Variants in RFC2 observed in about 807,000 individuals in gnomAD.
The protein encoded by RFC2 is replication factor C subunit 2.
In RFC2, 34 loss-of-function variants were observed where a neutral mutation model predicts 44.8. The ratio of observed to expected loss-of-function variants is 0.76; its 90% CI spans 0.58 to 1.01. RFC2 has a LOEUF of 1.01. RFC2 is among the 50% of genes least tolerant of loss of function. The pLI, the probability that RFC2 is intolerant of heterozygous loss-of-function variation, is 0.00. For synonymous variants in RFC2, 177 were observed against 168.9 expected (o/e 1.05, Z -0.37); for missense variants, 400 against 453.6 (o/e 0.88, Z 1.07).
chr7:74,252,173 C>T (rs1229727421), intron 2 of RFC2, among the ~76,000 whole-genome samples: 2 of 147,328 alleles, frequency 1.4e-5, no homozygotes, highest in African/African-American at 2.5e-5. Flanking sequence ...TTTGGGAGGC[C>T]GAGGCGGGAG....
chr7:74,233,735 G>C (rs1454121418), intron 10 of RFC2: 1 of 437,364 alleles, frequency 2.3e-6, no homozygotes, highest in African/African-American at 2.0e-5. Context: ...CGAGTAGCTG[G>C]GATTACAGGT....
chr7:74,237,648 C>T (rs1280044400), intron 8 of RFC2, among the ~76,000 whole-genome samples: 1 of 152,178 alleles, frequency 6.6e-6, no homozygotes, highest in Non-Finnish European at 1.5e-5. Flanking sequence ...AGATAAATTT[C>T]CCAAACATAA....
At chr7:74,243,455 A>G (rs1803445846) in intron 5 of RFC2, among the ~76,000 whole-genome samples, 1 of 152,066 alleles carries the variant, frequency 6.6e-6, no homozygotes, top group Non-Finnish European at 1.5e-5. Context: ...CAGCATCAGA[A>G]CAACCCTCAA....
intron 4 of RFC2, among the ~76,000 whole-genome samples, chr7:74,246,986 T>C (rs970393008): frequency 2.0e-4 from 30 of 151,188 alleles, no homozygotes; most frequent in Admixed American, 1.2e-3. Context: ...TTTTTTTTTT[T>C]TTTTCTTCAG....
At chr7:74,247,942 C>G (rs1267961799) in intron 4 of RFC2, among the ~76,000 whole-genome samples, 1 of 152,040 alleles carries the variant, frequency 6.6e-6, no homozygotes, top group Non-Finnish European at 1.5e-5. Context: ...TTAACTTATA[C>G]ACATCCTCCA....
intron 6 of RFC2, 120 bp from the exon 7 acceptor site, chr7:74,240,215 T>G (rs1200614950): frequency 1.2e-6 from 1 of 866,970 alleles, no homozygotes; most frequent in Non-Finnish European, 1.7e-6. Flanking sequence ...CAATAGAGAC[T>G]TGGTAGGCCG....
At chr7:74,250,900 T>C (rs1786897830) in intron 2 of RFC2, among the ~76,000 whole-genome samples, 1 of 152,150 alleles carries the variant, frequency 6.6e-6, no homozygotes, top group South Asian at 2.1e-4. Flanking sequence ...GCGATTCTCC[T>C]GCCTCAGCCT....
At chr7:74,235,305 G>A (rs1219098697) in intron 10 of RFC2, among the ~76,000 whole-genome samples, 1 of 152,186 alleles carries the variant, frequency 6.6e-6, no homozygotes, top group East Asian at 1.9e-4. Context: ...CCAAAGTGCT[G>A]GGATTACAGG....
At chr7:74,252,752 T>G (rs1320865980) in intron 1 of RFC2, among the ~76,000 whole-genome samples, 1 of 151,998 alleles carries the variant, frequency 6.6e-6, no homozygotes, top group East Asian at 1.9e-4. Context: ...CTGGCCAACA[T>G]GGTGAAACCT....
At chr7:74,244,341 G>C (rs545146938) in intron 5 of RFC2, among the ~76,000 whole-genome samples, 125 of 151,022 alleles carry the variant, frequency 8.3e-4, no homozygotes, top group Middle Eastern at 3.4e-3. Flanking sequence ...ATGAATTACT[G>C]CCACATTAAA....
intron 3 of RFC2, 44 bp from the exon 4 acceptor site, chr7:74,249,162 A>T (rs1158774544): frequency 1.2e-6 from 2 of 1,612,446 alleles, no homozygotes; most frequent in African/African-American, 1.3e-5. Context: ...CACCAGAAGG[A>T]CCTCAGGTAG....
At chr7:74,237,046 G>T (rs535893415) in intron 9 of RFC2, among the ~76,000 whole-genome samples, 3 of 151,936 alleles carry the variant, frequency 2.0e-5, no homozygotes, top group South Asian at 4.1e-4. Flanking sequence ...CATCAGTAAA[G>T]TGCACCCAAC....
intron 10 of RFC2, 25 bp from the exon 11 acceptor site, chr7:74,232,241 C>T: frequency 2.3e-6 from 3 of 1,305,440 alleles, no homozygotes; most frequent in Non-Finnish European, 2.2e-6. Context: ...AAATTCAAAT[C>T]TGGTTAATAA....
At chr7:74,233,067 C>G (rs977863614) in intron 10 of RFC2, among the ~76,000 whole-genome samples, 1 of 151,930 alleles carries the variant, frequency 6.6e-6, no homozygotes, top group African/African-American at 2.4e-5. Flanking sequence ...AAAAATGACC[C>G]AAGTGTAGTG....
At chr7:74,235,962 C>G (rs3135696) in intron 9 of RFC2, among the ~76,000 whole-genome samples, 2 of 152,100 alleles carry the variant, frequency 1.3e-5, no homozygotes, top group Non-Finnish European at 2.9e-5. Flanking sequence ...CCCAGCCTAT[C>G]GCAAATGTGT....
intron 4 of RFC2, among the ~76,000 whole-genome samples, chr7:74,248,693 G>T (rs1431532711): frequency 6.6e-6 from 1 of 151,958 alleles, no homozygotes; most frequent in Non-Finnish European, 1.5e-5. Context: ...GTGGAGACGG[G>T]GTTTCACCAT....
rs1554720086 is a variant in RFC2, at chr7:74,246,711, T to A, written c.385A>T (p.Thr129Ser). ...ATCTTATGTCGGCCTTTGGGAAGAGTGACTTTTTGTTGAGCAAACATTTTA... is the reference window on the plus strand; with the variant it reads ...ATCTTATGTCGGCCTTTGGGAAGAGAGACTTTTTGTTGAGCAAACATTTTA... ...KIKMFAQQKV[T>S]LPKGRHKIII... Residue 129 changes from threonine (T) to serine (S), a missense_variant, in exon 5 of 11, where the codon ACT becomes TCT. Physicochemically the swap from Thr to Ser is moderately conservative, Grantham distance 58 (BLOSUM62 1). Transcript: ENST00000055077. 6.2e-7 allele frequency: 1 copy of A among 1,613,394 alleles called. No individual in the cohort carries two copies. The highest frequency in any genetic ancestry group is 1.1e-5 in the South Asian group (1 of 90,994).
Position 74,254,306 on chromosome 7 carries a change from C to A in RFC2, c.78G>T (p.Lys26Asn). 1.2e-6 allele frequency: 2 copies of A among 1,612,848 alleles called. No individual in the cohort carries two copies. ...CGTAGTGGCCGGCGCTGCCGGGGGC[C>A]TTGCTGAAGGCAGGGGCAGGGTCAG... ...QDSDPAPAFSKAPGSAGHYEL... is the reference protein window; with the variant it reads ...QDSDPAPAFSNAPGSAGHYEL... The change falls in exon 1 of 11, where the codon AAG becomes AAT. Residue 26 changes from lysine (K) to asparagine (N), a missense_variant. By Grantham distance (94) the Lys-to-Asn change is moderately conservative (BLOSUM62 0). Coordinates refer to ENST00000055077, the MANE Select transcript of RFC2 (RefSeq NM_181471.3).
chr7:74,234,454 T>C (rs1802894630), intron 10 of RFC2, among the ~76,000 whole-genome samples: 1 of 152,064 alleles, frequency 6.6e-6, no homozygotes, highest in South Asian at 2.1e-4. Flanking sequence ...CCTCAATTAA[T>C]CTAACCTTGA....
Sources: allele counts gnomAD v4.1 joint callset (sites outside exome capture counted in the v4.1 genomes callset), GRCh38; gene constraint gnomAD v4.1.1; transcripts MANE v1.5; gene names NCBI Gene and HGNC (gene_info 2026-07-23, HGNC 2026-07-21).